Variants in TSPEAR observed in about 807,000 individuals in gnomAD.
The protein encoded by TSPEAR is thrombospondin-type laminin G domain and EAR repeat-containing protein.
TSPEAR carries 69 observed loss-of-function variants against 71.6 expected under a neutral mutation model. The ratio of observed to expected loss-of-function variants is 0.96; its 90% CI spans 0.79 to 1.18. The LOEUF (loss-of-function observed/expected upper bound fraction) is 1.18, where lower values mean the gene tolerates loss of function less well. Ranked by LOEUF, TSPEAR falls within the 50% of genes most tolerant of loss-of-function variation. The pLI is 0.00. For synonymous variants in TSPEAR, 402 were observed against 387.2 expected (o/e 1.04, Z -0.45); for missense variants, 971 against 894.9 (o/e 1.09, Z -1.09).
At chr21:44,603,864 C>T (rs1398468410) in intron 1 of TSPEAR, among the ~76,000 whole-genome samples, 1 of 152,232 alleles carries the variant, frequency 6.6e-6, no homozygotes, top group Non-Finnish European at 1.5e-5. Context: ...AGAGAAAATA[C>T]TGACAATCTT....
chr21:44,562,924 A>T (rs1028147474), intron 2 of TSPEAR, among the ~76,000 whole-genome samples: 17 of 152,214 alleles, frequency 1.1e-4, no homozygotes, highest in African/African-American at 4.1e-4. Flanking sequence ...ACACAGAAAA[A>T]CAAAACAGCA....
intron 2 of TSPEAR, chr21:44,550,788 C>A (rs1555918525): frequency 6.2e-7 from 1 of 1,614,176 alleles, no homozygotes; most frequent in Admixed American, 1.7e-5. Context: ...GGGTCTGCAG[C>A]AGGAGGAGGT....
intron 1 of TSPEAR, among the ~76,000 whole-genome samples, chr21:44,699,245 T>A (rs1987534269): frequency 6.6e-6 from 1 of 151,632 alleles, no homozygotes; most frequent in Non-Finnish European, 1.5e-5. Context: ...CTGGGCATGG[T>A]GGCACGAACC....
At chr21:44,538,958 C>A in intron 2 of TSPEAR, 2 of 466,320 alleles carry the variant, frequency 4.3e-6, no homozygotes, top group South Asian at 6.2e-5. Context: ...ATGTGTCCCC[C>A]AGGAACACAA....
intron 1 of TSPEAR, among the ~76,000 whole-genome samples, chr21:44,628,490 C>A (rs1486600647): frequency 6.6e-6 from 1 of 152,046 alleles, no homozygotes; most frequent in African/African-American, 2.4e-5. Flanking sequence ...AGCTGGGGGG[C>A]CTCGGGGGGC....
At chr21:44,580,602 TGGGA>T (rs1555924993) in intron 1 of TSPEAR, 2 of 1,592,646 alleles carry the variant, frequency 1.3e-6, no homozygotes, top group African/African-American at 2.7e-5. Context: ...AGACGTGAGC[TGGGA>T]GCTGGGGGAG....
In TSPEAR at chr21:44,646,464, C is replaced by T. The variant is rs373162358; in HGVS notation, c.82+64969G>A. On this transcript the variant is annotated intron_variant, in intron 1 of 11. Transcript: ENST00000323084. The stretch of plus-strand genomic sequence containing the variant: ...CACCTCCTCCCCACCCCAGCATGGC[C>T]GCGTCCACCATGTCTGTCTGCTCCA... 3.5e-5 allele frequency: 56 copies of T among 1,609,054 alleles called. No individual in the cohort carries two copies. The Middle Eastern group carries it at 5.6e-4, about 16-fold the overall frequency.
chr21:44,573,092 G>T, intron 1 of TSPEAR, among the ~76,000 whole-genome samples: 1 of 152,154 alleles, frequency 6.6e-6, no homozygotes, highest in South Asian at 2.1e-4. Flanking sequence ...AATTTCTGTT[G>T]TGTGACCAGC....
At chr21:44,517,528 G>A in intron 9 of TSPEAR, 2 of 339,966 alleles carry the variant, frequency 5.9e-6, no homozygotes, top group South Asian at 4.4e-5. Flanking sequence ...GGACACGTGA[G>A]TACAGGTCCA....
chr21:44,637,719 T>C (rs115298124), intron 1 of TSPEAR: 2 of 1,240,332 alleles, frequency 1.6e-6, no homozygotes, highest in South Asian at 3.2e-5. Flanking sequence ...GTCTGCTGTG[T>C]GCCCGTCTGC....
chr21:44,666,566 A>T, intron 1 of TSPEAR: 2 of 1,600,350 alleles, frequency 1.2e-6, no homozygotes, highest in Non-Finnish European at 1.7e-6. Flanking sequence ...TGCAGCTCAC[A>T]GGCACGCACA....
chr21:44,562,091 C>T (rs1555921131), intron 2 of TSPEAR, among the ~76,000 whole-genome samples: 1 of 152,174 alleles, frequency 6.6e-6, no homozygotes, highest in Admixed American at 6.5e-5. Flanking sequence ...CCCATCATCT[C>T]AGCTCAAAAA....
intron 1 of TSPEAR, among the ~76,000 whole-genome samples, chr21:44,645,418 G>T (rs1166705633): frequency 6.6e-6 from 1 of 150,674 alleles, no homozygotes; most frequent in African/African-American, 2.4e-5. Flanking sequence ...GTGCAATGGT[G>T]CAATCTCAGC....
chr21:44,615,361 C>T (rs587717725), intron 1 of TSPEAR, among the ~76,000 whole-genome samples: 34 of 152,328 alleles, frequency 2.2e-4, no homozygotes, highest in African/African-American at 7.2e-4. Flanking sequence ...AGGTGCCAAG[C>T]GAGGCAGCGC....
At chr21:44,543,799 G>A (rs587740770) in intron 2 of TSPEAR, among the ~76,000 whole-genome samples, 6 of 152,304 alleles carry the variant, frequency 3.9e-5, no homozygotes, top group African/African-American at 1.4e-4. Context: ...ATTGCCCTGT[G>A]GAAACCTTCA....
intron 1 of TSPEAR, among the ~76,000 whole-genome samples, chr21:44,608,762 G>A (rs1555930298): frequency 6.6e-6 from 1 of 152,132 alleles, no homozygotes; most frequent in Non-Finnish European, 1.5e-5. Flanking sequence ...CAGAATAAAT[G>A]GAATTATAAA....
intron 1 of TSPEAR, among the ~76,000 whole-genome samples, chr21:44,655,175 C>T (rs2838613): frequency 0.53 from 81,128 of 151,904 alleles, 22,100 homozygotes; most frequent in African/African-American, 0.65. Flanking sequence ...TCGGGGTGGC[C>T]GATACCCCAT....
At chr21:44,572,943 ACC>A (rs1272292966) in intron 1 of TSPEAR, among the ~76,000 whole-genome samples, 2 of 151,116 alleles carry the variant, frequency 1.3e-5, no homozygotes, top group African/African-American at 2.4e-5. Flanking sequence ...TAAGCCAAGG[ACC>A]CCAAAGATAG....
intron 1 of TSPEAR, chr21:44,591,845 A>T: frequency 6.2e-7 from 1 of 1,608,088 alleles, no homozygotes; most frequent in Non-Finnish European, 8.5e-7. Context: ...GTTGGCTGGC[A>T]GCTAGACTGC....
Sources: allele counts gnomAD v4.1 joint callset (sites outside exome capture counted in the v4.1 genomes callset), GRCh38; gene constraint gnomAD v4.1.1; transcripts MANE v1.5; gene names NCBI Gene and HGNC (gene_info 2026-07-23, HGNC 2026-07-21).